Variants in AKAP6 observed in about 807,000 individuals in gnomAD.
The protein encoded by AKAP6 is A-kinase anchor protein 6.
AKAP6 carries 58 observed loss-of-function variants against 188.5 expected under a neutral mutation model. The ratio of observed to expected loss-of-function variants is 0.31; its 90% confidence interval spans 0.25 to 0.38. The LOEUF (loss-of-function observed/expected upper bound fraction) is 0.38, where lower values mean the gene tolerates loss of function less well. Among genes scored for constraint, AKAP6 ranks in the 10% least tolerant of loss-of-function variants. The pLI is 1.00. For missense variants in AKAP6, 2,710 were observed against 2,740.0 expected (o/e 0.99, Z 0.24); for synonymous variants, 989 against 998.6 (o/e 0.99, Z 0.18).
Position 32,823,084 on chromosome 14 carries a change from C to T in AKAP6, c.5271C>T (p.Ser1757=). Residue 1757 remains serine (S), a synonymous_variant, in exon 13 of 14, where the codon TCC becomes TCT. Transcript: ENST00000280979. ...TDDEDDSDLL[S]SSTLTLTEEE... ...ATGAAGATGACAGCGACCTGCTCTC[C>T]AGCTCTACCCTTACCTTGACTGAAG... The T allele has an allele frequency of 6.2e-7, 1 of 1,613,782 alleles. No individual in the cohort carries two copies.
intron 2 of AKAP6, among the ~76,000 whole-genome samples, chr14:32,460,035 C>T (rs1891273173): frequency 6.6e-6 from 1 of 152,030 alleles, no homozygotes; most frequent in Non-Finnish European, 1.5e-5. Flanking sequence ...CCATACAACA[C>T]CATCAATAAA....
rs113943642 is a variant in AKAP6, at chr14:32,449,475, T to C, written c.324+15658T>C. Reference sequence around the variant, plus strand: ...AGGCAGAGGTTGCAGTGAGCCAAGATAGTGCCACTGCACTCCAGCCTGGGC... The same window carrying C: ...AGGCAGAGGTTGCAGTGAGCCAAGACAGTGCCACTGCACTCCAGCCTGGGC... On this transcript the variant is annotated intron_variant, in intron 2 of 13. Coordinates refer to ENST00000280979, the MANE Select transcript of AKAP6 (RefSeq NM_004274.5). Among the ~76,000 whole-genome samples, 316 of 134,746 alleles carry C rather than the reference T, an allele frequency of 2.3e-3. 1 individual carries two copies. Among genetic ancestry groups the C allele is most frequent in the African/African-American group, 8.5e-3 (300 of 35,304 alleles). 88.4% of individuals were successfully genotyped at this position (134,746 alleles called of 152,430 possible).
At chr14:32,740,462 G>A (rs1480528079) in intron 11 of AKAP6, among the ~76,000 whole-genome samples, 2 of 151,976 alleles carry the variant, frequency 1.3e-5, no homozygotes, top group Admixed American at 1.3e-4. Context: ...CAATGCCCTA[G>A]AGATTTCCCC....
intron 7 of AKAP6, among the ~76,000 whole-genome samples, chr14:32,652,280 G>A (rs1414890585): frequency 6.6e-6 from 1 of 151,456 alleles, no homozygotes; most frequent in East Asian, 1.9e-4. Context: ...CTCCCCTTTT[G>A]TTCCCAAATG....
intron 1 of AKAP6, chr14:32,403,086 A>T (rs1889154349): frequency 6.6e-6 from 1 of 152,208 alleles, no homozygotes; most frequent in African/African-American, 2.4e-5. Flanking sequence ...CTTAGAAATC[A>T]TCCAAGAAGA....
intron 3 of AKAP6, among the ~76,000 whole-genome samples, chr14:32,540,152 CTCTCTCTCTCTCTCTCTA>C (rs1430281465): frequency 3.5e-5 from 4 of 115,194 alleles, no homozygotes; most frequent in Admixed American, 8.9e-5. Flanking sequence ...CTCTCTCTCT[CTCTCTCTCTCTCTCTCTA>C]TATATATATA....
At chr14:32,813,478 C>G (rs1478569066) in intron 12 of AKAP6, among the ~76,000 whole-genome samples, 2 of 150,814 alleles carry the variant, frequency 1.3e-5, no homozygotes, top group South Asian at 2.1e-4. Flanking sequence ...GTGACCACCC[C>G]CAACCTGAGG....
chr14:32,813,243 G>T (rs1357360446), intron 12 of AKAP6, among the ~76,000 whole-genome samples: 3 of 152,162 alleles, frequency 2.0e-5, no homozygotes, highest in Non-Finnish European at 4.4e-5. Flanking sequence ...AGACGTAAAA[G>T]AAATGTGCAG....
intron 1 of AKAP6, among the ~76,000 whole-genome samples, chr14:32,396,181 A>G (rs1332666682): frequency 6.6e-6 from 1 of 152,196 alleles, no homozygotes; most frequent in Admixed American, 6.5e-5. Context: ...CTTTTCACTT[A>G]CTTGAGTTTG....
chr14:32,588,739 T>C (rs1357990399), intron 5 of AKAP6, among the ~76,000 whole-genome samples: 1 of 152,220 alleles, frequency 6.6e-6, no homozygotes, highest in African/African-American at 2.4e-5. Context: ...TGTGTCATTA[T>C]ACTAAATACT....
chr14:32,515,960 A>G (rs1881499197), intron 2 of AKAP6, among the ~76,000 whole-genome samples: 1 of 152,234 alleles, frequency 6.6e-6, no homozygotes, highest in Non-Finnish European at 1.5e-5. Context: ...TATAAATTGC[A>G]TAATTTTTGC....
In AKAP6 at chr14:32,678,452, A is replaced by G; in HGVS notation, c.2872A>G (p.Ser958Gly). 1 of 1,613,932 alleles carries G rather than the reference A, an allele frequency of 6.2e-7. No individual in the cohort carries two copies. The highest frequency in any genetic ancestry group is 1.3e-5 in the African/African-American group (1 of 75,058). The change falls in exon 8 of 14, where the codon AGC becomes GGC. Residue 958 changes from serine (S) to glycine (G), a missense_variant. By Grantham distance (56) the Ser-to-Gly change is moderately conservative. Around this residue, in one of 2 missense-constraint regions of AKAP6, gnomAD observed 2,473 missense variants for 2,426.1 expected, o/e 1.02. Transcript: ENST00000280979. ...ADMSKVHSVG[S>G]NGLLDFDSEY... ...TATGTCAAAAGTTCATTCAGTGGGAAGCAATGGGTAGGGAACTATTCTTTT... is the reference window on the plus strand; with the variant it reads ...TATGTCAAAAGTTCATTCAGTGGGAGGCAATGGGTAGGGAACTATTCTTTT...
chr14:32,547,124 A>G, intron 4 of AKAP6, 125 bp downstream of exon 4: 8 of 954,564 alleles, frequency 8.4e-6, no homozygotes, highest in Non-Finnish European at 1.2e-5. Context: ...TGATTCTCCA[A>G]AGAAAGAAAA....
At chr14:32,808,917 A>G (rs760829229) in intron 12 of AKAP6, among the ~76,000 whole-genome samples, 2 of 152,286 alleles carry the variant, frequency 1.3e-5, no homozygotes, top group East Asian at 3.9e-4. Flanking sequence ...TTCTGCCAAA[A>G]TGGGGCTGCT....
At chr14:32,668,169 C>T (rs1474757041) in intron 7 of AKAP6, among the ~76,000 whole-genome samples, 7 of 152,046 alleles carry the variant, frequency 4.6e-5, no homozygotes, top group Middle Eastern at 3.2e-3. Context: ...TTCTAATCAT[C>T]GTCTTCAGTC....
chr14:32,338,281 C>G (rs1014201065), intron 1 of AKAP6, among the ~76,000 whole-genome samples: 6 of 152,114 alleles, frequency 3.9e-5, no homozygotes, highest in African/African-American at 4.8e-5. Flanking sequence ...ACCATATATG[C>G]TCAGATACCC....
At chr14:32,710,958 G>C (rs1193529748) in intron 9 of AKAP6, among the ~76,000 whole-genome samples, 1 of 152,056 alleles carries the variant, frequency 6.6e-6, no homozygotes, top group Non-Finnish European at 1.5e-5. Context: ...TTACGCAATG[G>C]TAGAGTTGAG....
chr14:32,418,035 T>A (rs1470440797), intron 1 of AKAP6: 1 of 152,182 alleles, frequency 6.6e-6, no homozygotes, highest in African/African-American at 2.4e-5. Flanking sequence ...AATAGAGTTA[T>A]GACAAGCAGA....
At chr14:32,416,241 A>T (rs1220817417) in intron 1 of AKAP6, among the ~76,000 whole-genome samples, 1 of 152,166 alleles carries the variant, frequency 6.6e-6, no homozygotes, top group Admixed American at 6.5e-5. Flanking sequence ...GATAGTACCC[A>T]TACCAGTCAG....
Sources: gnomAD v4.1 joint callset for allele counts (sites outside exome capture counted in the v4.1 genomes callset) on GRCh38, gnomAD v4.1.1 for gene constraint, gnomAD v4.1.1 regional missense constraint, MANE v1.5 for transcripts, NCBI Gene and HGNC (gene_info 2026-07-23, HGNC 2026-07-21) for gene names.